The following SELP variants were observed in gnomAD, a reference collection of about 807,000 sequenced individuals.
SELP encodes the protein selectin P.
In SELP, 92 loss-of-function variants were observed where a neutral mutation model predicts 104.1. The ratio of observed to expected loss-of-function variants is 0.88; its 90% CI spans 0.75 to 1.05. The LOEUF (loss-of-function observed/expected upper bound fraction) is 1.05, where lower values mean the gene tolerates loss of function less well. Among genes scored for constraint, SELP ranks in the 50% least tolerant of loss-of-function variants. The pLI, the probability that SELP is intolerant of heterozygous loss-of-function variation, is 0.00. For synonymous variants in SELP, 397 were observed against 364.5 expected (o/e 1.09, Z -1.01); for missense variants, 1,022 against 1,017.3 (o/e 1.00, Z -0.06).
At chr1:169,600,247 A>C (rs930954733) in intron 10 of SELP, among the ~76,000 whole-genome samples, 2 of 152,076 alleles carry the variant, frequency 1.3e-5, no homozygotes, top group African/African-American at 4.8e-5. Context: ...TAAATTATAT[A>C]AAGTTCCAAA....
At position 169,603,307 on chromosome 1, in the gene SELP, C is replaced by CTCTCTCTGTG. The variant is rs879181764; in HGVS notation, c.1520-97_1520-96insCACAGAGAGA. 5.8e-5 allele frequency: 35 copies of CTCTCTCTGTG among 605,690 alleles called. No individual in the cohort carries two copies. In the African/African-American group the frequency reaches 7.0e-4, roughly 12 times the overall value. The allele number at this position is 605,690 out of a possible 1,614,324, so 37.5% of individuals were successfully genotyped here. On this transcript the variant is annotated intron_variant, in intron 9 of 16. Transcript: ENST00000263686. The stretch of plus-strand genomic sequence containing the variant: ...TCTCTCTCTTTCTCCCTCTCTCTCT[C>CTCTCTCTGTG]TGTGTGTGTGTGTGTGTGTGTGTGT...
chr1:169,616,949 C>T (rs1662841838), intron 3 of SELP, 79 bp downstream of exon 3: 113 of 1,297,580 alleles, frequency 8.7e-5, no homozygotes, highest in South Asian at 4.5e-4. Context: ...TGTGTTGACT[C>T]GGTGGTTATG....
Position 169,613,707 on chromosome 1 carries a change from G to A in SELP, c.482-14C>T. The A allele has an allele frequency of 6.2e-7, 1 of 1,607,998 alleles. No individual in the cohort carries two copies. The highest frequency in any genetic ancestry group is 8.5e-7 in the Non-Finnish European group (1 of 1,174,548). ...CCTGGCAGGAGGCTGCATAGATATG[G>A]AAAGGTCAGAGTCATGGACATTCAC... is the stretch of plus-strand genomic sequence containing the variant. On this transcript the variant is annotated splice_polypyrimidine_tract_variant and intron_variant, in intron 3 of 16. Coordinates refer to ENST00000263686, the MANE Select transcript of SELP (RefSeq NM_003005.4).
In SELP at chr1:169,597,134, A is replaced by G. The variant is rs565289341; in HGVS notation, c.1748T>C (p.Leu583Pro). 1 of 1,610,702 alleles carries G rather than the reference A, an allele frequency of 6.2e-7. No individual in the cohort carries two copies. The highest frequency in any genetic ancestry group is 1.3e-5 in the African/African-American group (1 of 74,266). ...PELFAPEQGS[L>P]DCSDTRGEFN... is the part of the protein sequence containing the mutation. ...TTCTCCACGAGTGTCAGAACAATCC[A>G]GGCTGCCCTGCTCTGGGGCAAAGAG... The change falls in exon 11 of 17, where the codon CTG (leucine) becomes CCG (proline). Residue 583 changes from leucine (L) to proline (P), a missense_variant. Physicochemically the swap from Leu to Pro is moderately conservative, Grantham distance 98 (BLOSUM62 -3). Coordinates refer to ENST00000263686, the MANE Select transcript of SELP (RefSeq NM_003005.4).
At chr1:169,608,639 A>G (rs937232003) in intron 8 of SELP, among the ~76,000 whole-genome samples, 2 of 152,138 alleles carry the variant, frequency 1.3e-5, no homozygotes, top group Admixed American at 6.5e-5. Flanking sequence ...TTGCTTCCAC[A>G]TTTTAACTGT....
intron 8 of SELP, among the ~76,000 whole-genome samples, chr1:169,608,697 A>T (rs1662328176): frequency 6.6e-6 from 1 of 152,152 alleles, no homozygotes; most frequent in African/African-American, 2.4e-5. Flanking sequence ...TCTCTTCAAG[A>T]CCTGCTTTCA....
At chr1:169,599,794 G>A (rs1661809451) in intron 10 of SELP, among the ~76,000 whole-genome samples, 1 of 152,118 alleles carries the variant, frequency 6.6e-6, no homozygotes, top group Admixed American at 6.6e-5. Context: ...GTTTTAGGGG[G>A]CACCAGTTCA....
intron 3 of SELP, among the ~76,000 whole-genome samples, chr1:169,614,352 C>T (rs528311996): frequency 3.1e-4 from 47 of 152,242 alleles, no homozygotes; most frequent in African/African-American, 1.1e-3. Context: ...ATACAGCAGG[C>T]GAAGAGAGTA....
At chr1:169,591,780 A>AT (rs1396241801) in intron 14 of SELP, among the ~76,000 whole-genome samples, 2 of 152,180 alleles carry the variant, frequency 1.3e-5, no homozygotes, top group Non-Finnish European at 2.9e-5. Context: ...ACATACATGA[A>AT]TCCAAACCAA....
intron 14 of SELP, 155 bp from the exon 15 acceptor site, chr1:169,591,611 A>T: frequency 2.0e-6 from 1 of 491,936 alleles, no homozygotes; most frequent in Non-Finnish European, 3.6e-6. Context: ...TTCTCCCTGA[A>T]AGGTAGAAAG....
chr1:169,615,240 A>G (rs1662746046), intron 3 of SELP, among the ~76,000 whole-genome samples: 1 of 152,176 alleles, frequency 6.6e-6, no homozygotes, highest in African/African-American at 2.4e-5. Context: ...TCTATTTCTC[A>G]TCTCCCATGG....
intron 10 of SELP, 92 bp downstream of exon 10, chr1:169,602,934 A>G: frequency 9.3e-7 from 1 of 1,072,698 alleles, no homozygotes; most frequent in African/African-American, 1.6e-5. Context: ...TGTTTGCTTC[A>G]GCTCAAGAAC....
At chr1:169,614,269 C>T (rs1478572859) in intron 3 of SELP, among the ~76,000 whole-genome samples, 2 of 152,070 alleles carry the variant, frequency 1.3e-5, no homozygotes, top group African/African-American at 4.8e-5. Flanking sequence ...AACAGAGGAG[C>T]CAAATGAGAT....
At chr1:169,600,154 G>A (rs1241368454) in intron 10 of SELP, among the ~76,000 whole-genome samples, 1 of 147,356 alleles carries the variant, frequency 6.8e-6, no homozygotes, top group East Asian at 2.2e-4. Context: ...AGACAAGGCT[G>A]AAAAATAACC....
intron 10 of SELP, among the ~76,000 whole-genome samples, chr1:169,598,669 TC>T (rs746565523): frequency 2.0e-5 from 3 of 152,336 alleles, no homozygotes; most frequent in Non-Finnish European, 4.4e-5. Flanking sequence ...AATAACTTTT[TC>T]ATAATCTCCC....
chr1:169,597,003 G>A lies in SELP; in HGVS notation c.1879C>T (p.Pro627Ser), dbSNP rs1661653936. Residue 627 changes from proline to serine, a missense_variant, in exon 11 of 17, where the codon CCA becomes TCA. Pro to Ser is a moderately conservative substitution (Grantham distance 74, BLOSUM62 -1). Coordinates refer to ENST00000263686, the MANE Select transcript of SELP (RefSeq NM_003005.4). Reference protein sequence around the residue: ...TTSGRWSATPPTCKGIASLPT... With the variant: ...TTSGRWSATPSTCKGIASLPT... ...TACATATTATTACCTTTGCAGGTTG[G>A]TGGAGTAGCTGACCATCTTCCAGAA... The A allele has an allele frequency of 6.2e-7, 1 of 1,611,554 alleles. No individual in the cohort carries two copies. Among genetic ancestry groups the A allele is most frequent in the Admixed American group, 1.7e-5 (1 of 59,790 alleles).
chr1:169,602,801 G>A (rs1253309685), intron 10 of SELP, among the ~76,000 whole-genome samples: 2 of 152,100 alleles, frequency 1.3e-5, no homozygotes, highest in African/African-American at 4.8e-5. Context: ...TAGTAGAAAC[G>A]GGGTTTCACC....
intron 10 of SELP, among the ~76,000 whole-genome samples, chr1:169,598,155 G>C (rs1422931879): frequency 6.6e-6 from 1 of 152,104 alleles, no homozygotes; most frequent in Non-Finnish European, 1.5e-5. Context: ...CCCCCCAAAA[G>C]TATTTTTACA....
intron 4 of SELP, among the ~76,000 whole-genome samples, 160 bp downstream of exon 4, chr1:169,613,426 C>T (rs1336102524): frequency 6.6e-6 from 1 of 151,936 alleles, no homozygotes; most frequent in Non-Finnish European, 1.5e-5. Context: ...ATGTTTTTAC[C>T]TAGAGTGTGT....
Sources: gnomAD v4.1 joint callset for allele counts (sites outside exome capture counted in the v4.1 genomes callset) on GRCh38, gnomAD v4.1.1 for gene constraint, MANE v1.5 for transcripts, NCBI Gene and HGNC (gene_info 2026-07-23, HGNC 2026-07-21) for gene names.